EXOC4: variants seen among roughly 807,000 people sequenced by gnomAD.
The protein encoded by EXOC4 is SEC8-like 1.
EXOC4 carries 71 observed loss-of-function variants against 107.2 expected under a neutral mutation model. That is an observed-to-expected ratio of 0.66 (90% CI 0.55 to 0.81). The LOEUF (loss-of-function observed/expected upper bound fraction) is 0.81, where lower values mean the gene tolerates loss of function less well. EXOC4 is among the 30% of genes least tolerant of loss of function. The pLI is 0.00. For synonymous variants in EXOC4, 456 were observed against 441.2 expected (o/e 1.03, Z -0.42); for missense variants, 1,108 against 1,189.6 (o/e 0.93, Z 1.01).
intron 9 of EXOC4, among the ~76,000 whole-genome samples, chr7:133,568,712 G>A (rs1016482424): frequency 6.6e-6 from 1 of 152,118 alleles, no homozygotes; most frequent in Non-Finnish European, 1.5e-5. Context: ...GAATGAAAAA[G>A]CATAAGAAGT....
chr7:133,272,577 C>G (rs1160722944), intron 1 of EXOC4, among the ~76,000 whole-genome samples: 1 of 151,632 alleles, frequency 6.6e-6, no homozygotes, highest in Non-Finnish European at 1.5e-5. Context: ...TGCTGCCTTC[C>G]TTTTCTCTAA....
intron 14 of EXOC4, among the ~76,000 whole-genome samples, chr7:133,953,283 T>A (rs1260769630): frequency 1.3e-5 from 2 of 152,016 alleles, no homozygotes; most frequent in East Asian, 3.9e-4. Context: ...TAGCACCTCT[T>A]GAAATAGAAA....
chr7:133,699,455 A>AG (rs1794609719), intron 10 of EXOC4, among the ~76,000 whole-genome samples: 1 of 152,200 alleles, frequency 6.6e-6, no homozygotes, highest in African/African-American at 2.4e-5. Context: ...CAGAGAGGCA[A>AG]GGGAAGGTAA....
chr7:133,937,530 A>G (rs1800331282), intron 13 of EXOC4, among the ~76,000 whole-genome samples: 1 of 152,200 alleles, frequency 6.6e-6, no homozygotes, highest in East Asian at 1.9e-4. Context: ...GTACATATTT[A>G]ACACCCTAAG....
intron 11 of EXOC4, among the ~76,000 whole-genome samples, chr7:133,866,658 G>A (rs941910039): frequency 1.3e-5 from 2 of 152,086 alleles, no homozygotes; most frequent in African/African-American, 2.4e-5. Context: ...TTCTTCCAAA[G>A]TAAACTCATT....
chr7:134,050,304 T>C (rs1795755244), intron 17 of EXOC4, among the ~76,000 whole-genome samples: 1 of 152,218 alleles, frequency 6.6e-6, no homozygotes, highest in Non-Finnish European at 1.5e-5. Flanking sequence ...AAGCACTTTA[T>C]AAATATTAAC....
At chr7:133,882,850 G>C (rs146147038) in intron 11 of EXOC4, among the ~76,000 whole-genome samples, 6 of 152,270 alleles carry the variant, frequency 3.9e-5, no homozygotes, top group Admixed American at 3.9e-4. Flanking sequence ...TGAGTTATCT[G>C]AGCAATGTGA....
intron 13 of EXOC4, among the ~76,000 whole-genome samples, chr7:133,921,810 T>C (rs773759064): frequency 5.3e-5 from 8 of 152,182 alleles, no homozygotes; most frequent in Admixed American, 2.0e-4. Context: ...CCTTCTGATA[T>C]TCCCATTATG....
intron 5 of EXOC4, 104 bp from the exon 6 acceptor site, chr7:133,356,226 C>G (rs757225719): frequency 3.7e-5 from 42 of 1,150,462 alleles, no homozygotes; most frequent in Non-Finnish European, 4.9e-5. Context: ...CTCTTTAATT[C>G]TTTAAGAGAG....
chr7:133,816,585 A>C (rs1458065500), intron 10 of EXOC4, among the ~76,000 whole-genome samples: 2 of 152,016 alleles, frequency 1.3e-5, no homozygotes, highest in Non-Finnish European at 2.9e-5. Flanking sequence ...TCTTTTTGAC[A>C]TTTATATATA....
intron 15 of EXOC4, 62 bp downstream of exon 15, chr7:133,997,695 G>A: frequency 1.9e-6 from 3 of 1,551,266 alleles, no homozygotes; most frequent in Non-Finnish European, 2.6e-6. Context: ...TAAATCACTT[G>A]CTTATTTCCA....
chr7:133,448,823 G>T (rs917228663), intron 7 of EXOC4, among the ~76,000 whole-genome samples: 1 of 152,190 alleles, frequency 6.6e-6, no homozygotes, highest in Non-Finnish European at 1.5e-5. Context: ...TGGAAATTTA[G>T]GCCAGGCGTG....
intron 17 of EXOC4, among the ~76,000 whole-genome samples, chr7:134,055,187 G>A (rs1303752827): frequency 6.6e-6 from 1 of 152,186 alleles, no homozygotes; most frequent in Non-Finnish European, 1.5e-5. Context: ...CAGCAAGGCA[G>A]AGAGATCTCC....
chr7:133,756,976 C>A (rs902555704), intron 10 of EXOC4, among the ~76,000 whole-genome samples: 1 of 152,076 alleles, frequency 6.6e-6, no homozygotes, highest in Non-Finnish European at 1.5e-5. Flanking sequence ...GGCAAGGTCA[C>A]GATGGTCTAG....
chr7:133,689,253 G>A (rs564864111), intron 10 of EXOC4, among the ~76,000 whole-genome samples: 3 of 152,236 alleles, frequency 2.0e-5, no homozygotes, highest in African/African-American at 7.2e-5. Context: ...AGAAAGCTGA[G>A]CAGTCTCATG....
chr7:134,018,011 C>A (rs1794949036), intron 17 of EXOC4, among the ~76,000 whole-genome samples: 1 of 152,070 alleles, frequency 6.6e-6, no homozygotes. Flanking sequence ...AGTAAAGATC[C>A]CAAGGAACAG....
intron 9 of EXOC4, chr7:133,484,128 T>G: frequency 6.2e-7 from 1 of 1,610,364 alleles, no homozygotes; most frequent in Non-Finnish European, 8.5e-7. Context: ...GCCAACATTT[T>G]CAATTTATCA....
chr7:133,609,102 T>TA (rs1802019269), intron 9 of EXOC4, among the ~76,000 whole-genome samples: 1 of 152,196 alleles, frequency 6.6e-6, no homozygotes, highest in African/African-American at 2.4e-5. Flanking sequence ...CTTTAAAACC[T>TA]AAGAGCACCT....
chr7:133,733,620 A>C (rs1212947528), intron 10 of EXOC4: 1 of 152,252 alleles, frequency 6.6e-6, no homozygotes, highest in Admixed American at 6.5e-5. Context: ...AGCCAAAAGG[A>C]AAGAAAGTGC....
Sources: gnomAD v4.1 joint callset for allele counts (sites outside exome capture counted in the v4.1 genomes callset) on GRCh38, gnomAD v4.1.1 for gene constraint, MANE v1.5 for transcripts, NCBI Gene and HGNC (gene_info 2026-07-23, HGNC 2026-07-21) for gene names.